The following MPRIP variants were observed in gnomAD, a reference collection of about 807,000 sequenced individuals.
MPRIP encodes myosin phosphatase Rho-interacting protein.
In MPRIP, 59 loss-of-function variants were observed where a neutral mutation model predicts 234.9. That is an observed-to-expected ratio of 0.25 (90% CI 0.20 to 0.31). MPRIP has a LOEUF of 0.31. Ranked by LOEUF, MPRIP falls within the 10% of genes least tolerant of loss-of-function variation. MPRIP has a pLI of 1.00. For missense variants in MPRIP, 2,436 were observed against 3,071.0 expected (o/e 0.79, Z 4.89); for synonymous variants, 1,144 against 1,263.9 (o/e 0.91, Z 2.01).
intron 3 of MPRIP, among the ~76,000 whole-genome samples, chr17:17,087,050 C>T (rs557785715): frequency 2.0e-5 from 3 of 152,304 alleles, no homozygotes; most frequent in South Asian, 2.1e-4. Context: ...GTTGTTTGCA[C>T]CTCTGCCCAG....
chr17:17,132,103 T>C (rs189878518), intron 5 of MPRIP, among the ~76,000 whole-genome samples: 18 of 151,908 alleles, frequency 1.2e-4, no homozygotes, highest in African/African-American at 4.3e-4. Flanking sequence ...AATTCTGGAG[T>C]GGTATGGCCC....
chr17:17,105,439 A>G (rs2090044698), intron 3 of MPRIP, among the ~76,000 whole-genome samples: 1 of 152,182 alleles, frequency 6.6e-6, no homozygotes, highest in Non-Finnish European at 1.5e-5. Flanking sequence ...GGACCCCTCC[A>G]TTCCCCCGTG....
chr17:17,149,416 C>A (rs2045548305), intron 11 of MPRIP, among the ~76,000 whole-genome samples: 1 of 151,684 alleles, frequency 6.6e-6, no homozygotes, highest in Admixed American at 6.6e-5. Context: ...TCACTTGAAC[C>A]CGGGAGGCAG....
At chr17:17,073,721 G>T (rs987177603) in intron 1 of MPRIP, among the ~76,000 whole-genome samples, 13 of 152,300 alleles carry the variant, frequency 8.5e-5, no homozygotes, top group African/African-American at 3.1e-4. Flanking sequence ...ACTCCTGGGT[G>T]GGGTGTGGAG....
chr17:17,165,264 A>G lies in MPRIP; in HGVS notation c.3673A>G (p.Lys1225Glu), dbSNP rs557988758. Reference protein sequence around the residue: ...ILRKFASESPKDMEEPRSTPE... With the variant: ...ILRKFASESPEDMEEPRSTPE... ...AAGGAAATTTGCAAGTGAATCTCCA[A>G]AGGACATGGAAGAGCCACGGAGTAC... The change falls in exon 16 of 24, where the codon AAG (lysine) becomes GAG (glutamate). Residue 1225 changes from lysine (K) to glutamate (E), a missense_variant. Around this residue, in one of 4 missense-constraint regions of MPRIP, gnomAD observed 1,998 missense variants for 2,520.3 expected, o/e 0.79. Coordinates refer to ENST00000651222, the MANE Select transcript of MPRIP (RefSeq NM_001364716.4). 4.6e-6 allele frequency: 6 copies of G among 1,304,106 alleles called. No homozygotes were observed. In the African/African-American group the frequency reaches 9.1e-5, roughly 20 times the overall value. The allele number at this position is 1,304,106 out of a possible 1,614,324, so 80.8% of individuals were successfully genotyped here. A position where few individuals can be genotyped will look rare whatever the true frequency, so the allele number is the denominator to read the frequency against.
intron 19 of MPRIP, 104 bp from the exon 20 acceptor site, chr17:17,175,189 C>A: frequency 6.5e-7 from 1 of 1,542,850 alleles, no homozygotes; most frequent in Non-Finnish European, 8.9e-7. Context: ...CTACGCAGTT[C>A]CACAGATACA....
rs149451599 is a variant in MPRIP at position 17,100,289 on chromosome 17, G to A, written c.267+22213G>A. On this transcript the variant is annotated intron_variant, in intron 3 of 23. Coordinates refer to ENST00000651222, the MANE Select transcript of MPRIP (RefSeq NM_001364716.4). The stretch of plus-strand genomic sequence containing the variant: ...CAGTCTGGCTTGGAGAGCATGGCAC[G>A]GCTGACCCAGTGAGTCCAGGGTACA... Among the ~76,000 whole-genome samples the A allele has an allele frequency of 2.3e-3, 355 of 152,300 alleles. 2 individuals carry two copies. Among genetic ancestry groups the A allele is most frequent in the Middle Eastern group, 0.017 (5 of 294 alleles).
At position 17,167,034 on chromosome 17, in the gene MPRIP, C is replaced by A. The variant is rs1344787718; in HGVS notation, c.5443C>A (p.Leu1815Ile). The change falls in exon 16 of 24, where the codon CTT (leucine) becomes ATT (isoleucine). Residue 1815 changes from leucine (L) to isoleucine (I), a missense_variant. Physicochemically the swap from Leu to Ile is conservative, Grantham distance 5. This residue lies in a region of MPRIP where 1,998 missense variants were observed against 2,520.3 expected (regional missense o/e 0.79). Transcript: ENST00000651222. This position sits in a 1 kb window ranked among gnomAD's most constrained non-coding sequence, Gnocchi z 5.9. ...PVESLRDCQK[L>I]LQVSQSLSYN... ...GGAATCGCTGAGAGATTGCCAGAAG[C>A]TTCTCCAGGTGTCCCAGAGTCTCTC... 3.8e-6 allele frequency: 5 copies of A among 1,304,236 alleles called. No homozygotes were observed. In the African/African-American group the frequency reaches 7.6e-5, roughly 20 times the overall value. The allele number at this position is 1,304,236 out of a possible 1,614,324, so 80.8% of individuals were successfully genotyped here.
intron 17 of MPRIP, among the ~76,000 whole-genome samples, 157 bp from the exon 18 acceptor site, chr17:17,172,541 T>C (rs2046162552): frequency 6.6e-6 from 1 of 152,176 alleles, no homozygotes; most frequent in African/African-American, 2.4e-5. Context: ...AATTGGTTCA[T>C]GAGGGGCCAG....
Position 17,138,858 on chromosome 17 carries a change from C to A in MPRIP, c.1250+429C>A, listed in dbSNP as rs1230570850. ...TGGCAGTCCCAGGGTGGGCAAAGGG[C>A]ACTGAGAGGTTCAGAGGCAGACAGG... On this transcript the variant is annotated intron_variant, in intron 7 of 23. Transcript: ENST00000651222. This position sits in a 1 kb window ranked among gnomAD's most constrained non-coding sequence, Gnocchi z 5.8. 6.6e-6 allele frequency among the ~76,000 whole-genome samples: 1 copy of A among 152,142 alleles called. No homozygotes were observed. The highest frequency in any genetic ancestry group is 6.5e-5 in the Admixed American group (1 of 15,270).
At chr17:17,146,303 A>AGGGGC (rs1458604507) in intron 10 of MPRIP, among the ~76,000 whole-genome samples, 2 of 152,152 alleles carry the variant, frequency 1.3e-5, no homozygotes, top group East Asian at 3.9e-4. Context: ...GGTGCTCTGG[A>AGGGGC]GGGGCACTCG....
chr17:17,063,126 G>C (rs2088916836), intron 1 of MPRIP, among the ~76,000 whole-genome samples: 1 of 152,258 alleles, frequency 6.6e-6, no homozygotes, highest in Non-Finnish European at 1.5e-5. Context: ...TGACCTGGGA[G>C]CTCAGGTGTG....
At chr17:17,146,219 T>A in intron 10 of MPRIP, 127 bp downstream of exon 10, 2 of 807,190 alleles carry the variant, frequency 2.5e-6, no homozygotes, top group Non-Finnish European at 4.1e-6. Flanking sequence ...CTTGTCTTCA[T>A]GACCAGGGCT....
intron 16 of MPRIP, chr17:17,168,916 C>T (rs1383862998): frequency 2.2e-6 from 1 of 456,842 alleles, no homozygotes. Context: ...CACATCCTCA[C>T]AGCCACTGTC....
At chr17:17,144,934 G>T (rs190382554) in intron 9 of MPRIP, among the ~76,000 whole-genome samples, 3 of 152,370 alleles carry the variant, frequency 2.0e-5, no homozygotes, top group East Asian at 3.9e-4. Flanking sequence ...GTCCTGTGCC[G>T]CAATGGCAAC....
intron 3 of MPRIP, among the ~76,000 whole-genome samples, chr17:17,092,428 G>A (rs1047618143): frequency 2.6e-5 from 4 of 152,258 alleles, no homozygotes; most frequent in South Asian, 2.1e-4. Flanking sequence ...TGACAGCTGC[G>A]TCCTCGAGGG....
chr17:17,046,728 CT>C (rs2143813991), intron 1 of MPRIP, among the ~76,000 whole-genome samples: 1 of 152,256 alleles, frequency 6.6e-6, no homozygotes, highest in South Asian at 2.1e-4. Flanking sequence ...GGTCTGCAAA[CT>C]TTTTTGGTAA....
At chr17:17,171,490 G>A in intron 16 of MPRIP, 3 of 536,152 alleles carry the variant, frequency 5.6e-6, no homozygotes, top group Non-Finnish European at 9.9e-6. Flanking sequence ...AGAAATAAGA[G>A]GTAGAGTTGA....
chr17:17,056,713 C>T (rs1256522458), intron 1 of MPRIP, among the ~76,000 whole-genome samples: 1 of 152,084 alleles, frequency 6.6e-6, no homozygotes, highest in Non-Finnish European at 1.5e-5. Context: ...CAACTGCCAC[C>T]CCTCTTCAGT....
Sources: allele counts gnomAD v4.1 joint callset (sites outside exome capture counted in the v4.1 genomes callset), GRCh38; gene constraint gnomAD v4.1.1; regional missense constraint gnomAD v4.1.1; non-coding constraint Gnocchi (gnomAD v3.1); transcripts MANE v1.5; gene names NCBI Gene and HGNC (gene_info 2026-07-23, HGNC 2026-07-21).